METTL2B: variants seen among roughly 807,000 people sequenced by gnomAD.
METTL2B encodes tRNA N(3)-cytidine methyltransferase METTL2B.
Under a neutral mutation model 51.0 loss-of-function variants are expected in METTL2B, and 28 were observed. The ratio of observed to expected loss-of-function variants is 0.55; its 90% CI spans 0.41 to 0.75. The LOEUF (loss-of-function observed/expected upper bound fraction) is 0.75. METTL2B is among the 30% of genes least tolerant of loss of function. METTL2B has a pLI of 0.00. For missense variants in METTL2B, 313 were observed against 460.7 expected (o/e 0.68, Z 2.93); for synonymous variants, 128 against 166.3 (o/e 0.77, Z 1.77).
rs1792879457 is a variant in METTL2B at position 128,493,928 on chromosome 7, C to T, written c.794C>T (p.Ala265Val). 1.3e-6 allele frequency: 2 copies of T among 1,599,968 alleles called. No homozygotes were observed. The highest frequency in any genetic ancestry group is 2.7e-5 in the African/African-American group (2 of 73,972). Residue 265 changes from alanine to valine, a missense_variant, in exon 6 of 9, where the codon GCA (alanine) becomes GTA (valine). Transcript: ENST00000262432. ...DIIILIFVLSAVVPDKMQKAI... is the reference protein window; with the variant it reads ...DIIILIFVLSVVVPDKMQKAI... ...ATCATTCTCATATTTGTTCTTTCAG[C>T]AGTTGTTCCAGACAAGTAAGTTTGG...
intron 4 of METTL2B, among the ~76,000 whole-genome samples, chr7:128,487,838 G>A (rs1792744726): frequency 6.6e-6 from 1 of 151,844 alleles, no homozygotes; most frequent in Non-Finnish European, 1.5e-5. Context: ...TAGGATTTCT[G>A]TAGGTGGAAA....
At chr7:128,490,972 C>T (rs1792817738) in intron 5 of METTL2B, among the ~76,000 whole-genome samples, 1 of 151,566 alleles carries the variant, frequency 6.6e-6, no homozygotes, top group South Asian at 2.1e-4. Context: ...ACCAGCCTGA[C>T]CAATATGGTG....
intron 5 of METTL2B, among the ~76,000 whole-genome samples, chr7:128,489,629 C>CTTTTTTT (rs71160655): frequency 1.8e-5 from 2 of 111,060 alleles, no homozygotes; most frequent in Non-Finnish European, 3.4e-5. Context: ...CTGGCAATTT[C>CTTTTTTT]TTTTTTTTTT....
intron 6 of METTL2B, among the ~76,000 whole-genome samples, 197 bp downstream of exon 6, chr7:128,494,140 G>A (rs1195722986): frequency 6.6e-6 from 1 of 152,080 alleles, no homozygotes; most frequent in African/African-American, 2.4e-5. Context: ...CCACAGGCAC[G>A]TGCCACCAGT....
At chr7:128,485,559 G>A (rs1472687055) in intron 4 of METTL2B, among the ~76,000 whole-genome samples, 4 of 152,000 alleles carry the variant, frequency 2.6e-5, no homozygotes, top group Admixed American at 2.0e-4. Flanking sequence ...CCAGCTACTC[G>A]GGAGGCTGAG....
intron 4 of METTL2B, among the ~76,000 whole-genome samples, chr7:128,482,812 G>A (rs1173295450): frequency 6.6e-6 from 1 of 152,228 alleles, no homozygotes; most frequent in Non-Finnish European, 1.5e-5. Flanking sequence ...GGGATTACAG[G>A]CGTGAGCCAT....
intron 5 of METTL2B, among the ~76,000 whole-genome samples, chr7:128,489,328 C>T (rs1792780931): frequency 6.7e-6 from 1 of 149,590 alleles, no homozygotes; most frequent in Non-Finnish European, 1.5e-5. Context: ...CACAGCTACT[C>T]AAAAGGCTGA....
intron 6 of METTL2B, 95 bp from the exon 7 acceptor site, chr7:128,497,941 G>C (rs950002313): frequency 7.0e-6 from 9 of 1,278,668 alleles, no homozygotes; most frequent in Non-Finnish European, 8.8e-6. Context: ...TGTGTCAGTT[G>C]AGGAAGTCCA....
intron 4 of METTL2B, among the ~76,000 whole-genome samples, chr7:128,480,963 TTTTAA>T (rs1302585607): frequency 6.6e-6 from 1 of 152,368 alleles, no homozygotes; most frequent in South Asian, 2.1e-4. Context: ...TTATGGATTG[TTTTAA>T]TTTGATTATC....
chr7:128,495,007 C>T (rs1319663471), intron 6 of METTL2B, among the ~76,000 whole-genome samples: 24 of 151,802 alleles, frequency 1.6e-4, no homozygotes, highest in Non-Finnish European at 2.4e-4. Context: ...CTCCACCTCC[C>T]GGGTTCAACC....
At position 128,502,156 on chromosome 7, in the gene METTL2B, G is replaced by T. The variant is rs1793042016; in HGVS notation, c.*240G>T. On this transcript the variant is annotated 3_prime_UTR_variant, in exon 9 of 9. Coordinates refer to ENST00000262432, the MANE Select transcript of METTL2B (RefSeq NM_018396.3). ...GTCTCGTTGATGCTGGACAATTCAAGAATTCAGACTTGAACCTTAAACCTA... is the reference window on the plus strand; with the variant it reads ...GTCTCGTTGATGCTGGACAATTCAATAATTCAGACTTGAACCTTAAACCTA... 2.1e-6 allele frequency: 1 copy of T among 485,918 alleles called. No homozygotes were observed. Among genetic ancestry groups the T allele is most frequent in the Middle Eastern group, 5.5e-4 (1 of 1,804 alleles). 30.1% of individuals were successfully genotyped at this position (485,918 alleles called of 1,614,324 possible).
intron 7 of METTL2B, among the ~76,000 whole-genome samples, chr7:128,499,011 A>AG (rs1225832353): frequency 6.6e-6 from 1 of 152,026 alleles, no homozygotes; most frequent in East Asian, 1.9e-4. Flanking sequence ...AAAAAAAAAA[A>AG]AGACATCTGA....
rs1220683967 is a variant in METTL2B, at chr7:128,501,356, C to T, written c.982+388C>T. The T allele has an allele frequency of 4.1e-5, 40 of 985,342 alleles. No homozygotes were observed. The South Asian group carries it at 1.1e-3, about 27-fold the overall frequency. 61.0% of individuals were successfully genotyped at this position (985,342 alleles called of 1,614,324 possible). On this transcript the variant is annotated intron_variant, in intron 8 of 8. Coordinates refer to ENST00000262432, the MANE Select transcript of METTL2B (RefSeq NM_018396.3). ...TGCCGGGAACTGCTCTCCTCTGCAACTGGCCCATCCACAGGCTTCATCCTT... is the reference window on the plus strand; with the variant it reads ...TGCCGGGAACTGCTCTCCTCTGCAATTGGCCCATCCACAGGCTTCATCCTT...
chr7:128,496,083 AC>A (rs1459439306), intron 6 of METTL2B, among the ~76,000 whole-genome samples: 4 of 151,976 alleles, frequency 2.6e-5, no homozygotes, highest in Non-Finnish European at 5.9e-5. Context: ...GAGTCCAAGG[AC>A]CCCTTGCTGG....
chr7:128,496,149 C>T (rs1388421119), intron 6 of METTL2B, among the ~76,000 whole-genome samples: 4 of 151,202 alleles, frequency 2.6e-5, no homozygotes, highest in African/African-American at 7.3e-5. Context: ...GCCACACTTC[C>T]TCTAGAAGGG....
intron 8 of METTL2B, 43 bp from the exon 9 acceptor site, chr7:128,501,719 C>G: frequency 6.2e-7 from 1 of 1,607,020 alleles, no homozygotes; most frequent in Non-Finnish European, 8.5e-7. Flanking sequence ...AATGCCTTTT[C>G]TTGAGGGGAA....
chr7:128,476,964 C>G, intron 1 of METTL2B, 89 bp downstream of exon 1: 3 of 1,590,770 alleles, frequency 1.9e-6, no homozygotes, highest in Non-Finnish European at 2.6e-6. Context: ...CCGCCGGCCA[C>G]GAGTCAAGCT....
chr7:128,499,118 A>G (rs1212438611), intron 7 of METTL2B, among the ~76,000 whole-genome samples: 1 of 152,224 alleles, frequency 6.6e-6, no homozygotes, highest in Non-Finnish European at 1.5e-5. Context: ...CAGTGCATAT[A>G]ATAGATGAAG....
At chr7:128,484,991 T>C (rs1340551831) in intron 4 of METTL2B, among the ~76,000 whole-genome samples, 1 of 152,082 alleles carries the variant, frequency 6.6e-6, no homozygotes, top group African/African-American at 2.4e-5. Context: ...TAGCAGTCAC[T>C]CCCCATTTCC....
Sources: gnomAD v4.1 joint callset for allele counts (sites outside exome capture counted in the v4.1 genomes callset) on GRCh38, gnomAD v4.1.1 for gene constraint, MANE v1.5 for transcripts, NCBI Gene and HGNC (gene_info 2026-07-23, HGNC 2026-07-21) for gene names.